Variants in DIAPH3 observed in about 807,000 individuals in gnomAD.
DIAPH3 encodes the protein diaphanous related formin 3.
Under a neutral mutation model 144.3 loss-of-function variants are expected in DIAPH3, and 117 were observed. The ratio of observed to expected loss-of-function variants is 0.81; its 90% CI spans 0.70 to 0.95. The LOEUF (loss-of-function observed/expected upper bound fraction) is 0.95, where lower values mean the gene tolerates loss of function less well. Ranked by LOEUF, DIAPH3 falls within the 40% of genes least tolerant of loss-of-function variation. The pLI is 0.00. For synonymous variants in DIAPH3, 519 were observed against 488.9 expected (o/e 1.06, Z -0.81); for missense variants, 1,421 against 1,412.7 (o/e 1.01, Z -0.09).
chr13:59,979,128 C>A (rs910616682), intron 14 of DIAPH3, among the ~76,000 whole-genome samples: 1 of 151,604 alleles, frequency 6.6e-6, no homozygotes, highest in Admixed American at 6.6e-5. Flanking sequence ...ATCTAACTAA[C>A]ACATATAATT....
chr13:60,133,970 T>A (rs1232963804), intron 1 of DIAPH3, among the ~76,000 whole-genome samples: 1 of 152,190 alleles, frequency 6.6e-6, no homozygotes, highest in Non-Finnish European at 1.5e-5. Context: ...CTTAATAGAA[T>A]GAAATTTATC....
At chr13:59,959,523 G>C (rs1384796236) in intron 17 of DIAPH3, among the ~76,000 whole-genome samples, 1 of 152,142 alleles carries the variant, frequency 6.6e-6, no homozygotes, top group Non-Finnish European at 1.5e-5. Flanking sequence ...GTCTTTAAAA[G>C]AACCTTTTGT....
At chr13:59,910,363 A>G (rs2046933655) in intron 20 of DIAPH3, among the ~76,000 whole-genome samples, 1 of 152,140 alleles carries the variant, frequency 6.6e-6, no homozygotes, top group African/African-American at 2.4e-5. Flanking sequence ...CAGGCGGGGA[A>G]GAGAATACCC....
chr13:59,938,623 A>T (rs1274046035), intron 17 of DIAPH3, among the ~76,000 whole-genome samples: 2 of 152,020 alleles, frequency 1.3e-5, no homozygotes, highest in Non-Finnish European at 2.9e-5. Context: ...AAAAAAAAAA[A>T]TTAATAAAAT....
intron 17 of DIAPH3, among the ~76,000 whole-genome samples, chr13:59,945,473 T>C (rs1456175059): frequency 6.6e-6 from 1 of 152,204 alleles, no homozygotes; most frequent in Admixed American, 6.5e-5. Context: ...ACTGTTCAGC[T>C]GGCTGCATGA....
intron 4 of DIAPH3, among the ~76,000 whole-genome samples, chr13:60,057,529 G>A (rs192802355): frequency 3.9e-5 from 6 of 152,000 alleles, no homozygotes; most frequent in Middle Eastern, 3.4e-3. Flanking sequence ...ATTCTTCACA[G>A]AATTAGAAAA....
At chr13:59,952,977 T>C (rs1314127479) in intron 17 of DIAPH3, among the ~76,000 whole-genome samples, 1 of 152,092 alleles carries the variant, frequency 6.6e-6, no homozygotes, top group Non-Finnish European at 1.5e-5. Context: ...AGGGAGAGAA[T>C]AAGACAACAT....
At chr13:59,791,975 C>T (rs2139408157) in intron 25 of DIAPH3, among the ~76,000 whole-genome samples, 1 of 152,298 alleles carries the variant, frequency 6.6e-6, no homozygotes, top group Non-Finnish European at 1.5e-5. Flanking sequence ...AGCTAAACCA[C>T]CATCACCATC....
intron 4 of DIAPH3, among the ~76,000 whole-genome samples, chr13:60,065,276 G>C (rs948232680): frequency 1.6e-5 from 1 of 63,642 alleles, no homozygotes; most frequent in South Asian, 4.5e-4. Flanking sequence ...AAAAAAAAAA[G>C]CAGCATCTGC....
In DIAPH3 at chr13:59,847,970, G is replaced by A. The variant is rs571413369; in HGVS notation, c.2738-8522C>T. Among the ~76,000 whole-genome samples the A allele has an allele frequency of 1.6e-4, 24 of 152,134 alleles. No homozygotes were observed. In the South Asian group the frequency reaches 4.4e-3, roughly 28 times the overall value. ...TTCCTCCTTGACTTGCCCCTACATC[G>A]CAGTAAATCATTAGTTTTTATAACT... On this transcript the variant is annotated intron_variant, in intron 22 of 27. Transcript: ENST00000400324.
At chr13:59,860,227 T>C (rs965819961) in intron 22 of DIAPH3, among the ~76,000 whole-genome samples, 1 of 152,160 alleles carries the variant, frequency 6.6e-6, no homozygotes, top group African/African-American at 2.4e-5. Context: ...ATATTCACTC[T>C]AATATGGAAA....
At chr13:59,896,064 C>T (rs1008598117) in intron 20 of DIAPH3, among the ~76,000 whole-genome samples, 1 of 152,142 alleles carries the variant, frequency 6.6e-6, no homozygotes, top group African/African-American at 2.4e-5. Context: ...CTAAAAACAA[C>T]ACAGTGTGGT....
intron 17 of DIAPH3, among the ~76,000 whole-genome samples, chr13:59,930,201 TAAAAAA>T (rs946578760): frequency 2.0e-5 from 3 of 151,894 alleles, no homozygotes; most frequent in Admixed American, 2.0e-4. Flanking sequence ...TTCATTCAGA[TAAAAAA>T]AATTATTAAG....
At chr13:59,901,747 A>C (rs193278592) in intron 20 of DIAPH3, among the ~76,000 whole-genome samples, 58 of 152,340 alleles carry the variant, frequency 3.8e-4, no homozygotes, top group Admixed American at 6.5e-4. Flanking sequence ...AAAATTTATC[A>C]GACAATGGTA....
At chr13:59,943,388 C>T (rs2048638238) in intron 17 of DIAPH3, among the ~76,000 whole-genome samples, 2 of 152,158 alleles carry the variant, frequency 1.3e-5, no homozygotes, top group South Asian at 4.1e-4. Context: ...ACTCCATTTC[C>T]TGGGGAAGGA....
chr13:59,846,966 T>C (rs1206020156), intron 22 of DIAPH3, among the ~76,000 whole-genome samples: 3 of 152,192 alleles, frequency 2.0e-5, no homozygotes, highest in Middle Eastern at 3.4e-3. Context: ...ATACTCCTAG[T>C]TACCCAGGAG....
At chr13:59,706,315 G>T (rs1270983193) in intron 27 of DIAPH3, among the ~76,000 whole-genome samples, 2 of 152,094 alleles carry the variant, frequency 1.3e-5, no homozygotes, top group Non-Finnish European at 2.9e-5. Context: ...ACGGTCAACT[G>T]CACATCTTTT....
At chr13:60,156,559 G>A (rs958320916) in intron 1 of DIAPH3, among the ~76,000 whole-genome samples, 2 of 152,062 alleles carry the variant, frequency 1.3e-5, no homozygotes, top group African/African-American at 4.8e-5. Context: ...TTGGTGTGGT[G>A]TCAACTCCAA....
chr13:60,013,169 G>A (rs968000301), intron 7 of DIAPH3: 1 of 985,308 alleles, frequency 1.0e-6, no homozygotes, highest in Non-Finnish European at 1.2e-6. Flanking sequence ...GGACAATATG[G>A]TAACTGGCCT....
Sources: allele counts gnomAD v4.1 joint callset (sites outside exome capture counted in the v4.1 genomes callset), GRCh38; gene constraint gnomAD v4.1.1; transcripts MANE v1.5; gene names NCBI Gene and HGNC (gene_info 2026-07-23, HGNC 2026-07-21).